NRF1: variants seen among roughly 807,000 people sequenced by gnomAD.
NRF1 encodes the protein alpha palindromic-binding protein.
NRF1 carries 5 observed loss-of-function variants against 58.5 expected under a neutral mutation model. The ratio of observed to expected loss-of-function variants is 0.09; its 90% CI spans 0.04 to 0.18. NRF1 has a LOEUF of 0.18. NRF1 is among the 10% of genes least tolerant of loss of function. NRF1 has a pLI of 1.00. For synonymous variants in NRF1, 224 were observed against 246.7 expected (o/e 0.91, Z 0.86); for missense variants, 288 against 657.7 (o/e 0.44, Z 6.15).
chr7:129,715,390 T>C (rs879330596), intron 8 of NRF1, among the ~76,000 whole-genome samples: 1 of 152,226 alleles, frequency 6.6e-6, no homozygotes, highest in Non-Finnish European at 1.5e-5. Context: ...TGGATTCTCA[T>C]GTATCCTGTC....
chr7:129,754,095 C>A (rs1562995087), intron 10 of NRF1, among the ~76,000 whole-genome samples: 1 of 152,154 alleles, frequency 6.6e-6, no homozygotes, highest in Non-Finnish European at 1.5e-5. Context: ...TCACGGCAAG[C>A]TGGGAAGGCC....
At chr7:129,671,042 A>G (rs1313400042) in intron 2 of NRF1, among the ~76,000 whole-genome samples, 1 of 152,182 alleles carries the variant, frequency 6.6e-6, no homozygotes, top group Non-Finnish European at 1.5e-5. Context: ...AAATACTGAA[A>G]TCTGTAAATT....
At position 129,647,299 on chromosome 7, in the gene NRF1, G is replaced by A. The variant is rs139268053; in HGVS notation, c.-6-10047G>A. Among the ~76,000 whole-genome samples, 47 of 152,160 alleles carry A rather than the reference G, an allele frequency of 3.1e-4. No homozygotes were observed. In the East Asian group the frequency reaches 8.3e-3, roughly 27 times the overall value. On this transcript the variant is annotated intron_variant, in intron 1 of 10. Coordinates refer to ENST00000393232, the MANE Select transcript of NRF1 (RefSeq NM_005011.5). ...CCCGCCTCTGGCCTCTCGGGATTAC[G>A]GGCATGAGCCACCATGCCTGGCGCT...
intron 1 of NRF1, among the ~76,000 whole-genome samples, chr7:129,656,067 G>A (rs1057367786): frequency 1.4e-4 from 21 of 151,942 alleles, no homozygotes; most frequent in Non-Finnish European, 2.9e-4. Context: ...TATGAACATG[G>A]GTGTACAGAT....
intron 2 of NRF1, among the ~76,000 whole-genome samples, chr7:129,663,435 G>A (rs527540766): frequency 8.0e-4 from 113 of 140,682 alleles, no homozygotes; most frequent in African/African-American, 2.7e-3. Flanking sequence ...GGGCAGAGGC[G>A]CTCCTCACAT....
chr7:129,726,687 C>T (rs1803459099), intron 9 of NRF1, among the ~76,000 whole-genome samples: 1 of 152,100 alleles, frequency 6.6e-6, no homozygotes, highest in African/African-American at 2.4e-5. Context: ...TCAGCCATTA[C>T]TCTGTATTTG....
At chr7:129,700,148 A>G (rs1802787719) in intron 5 of NRF1, among the ~76,000 whole-genome samples, 1 of 152,148 alleles carries the variant, frequency 6.6e-6, no homozygotes, top group Non-Finnish European at 1.5e-5. Flanking sequence ...CTCAAAAAAA[A>G]AAAAGTCCTA....
intron 5 of NRF1, among the ~76,000 whole-genome samples, chr7:129,703,300 G>T (rs1251097343): frequency 6.6e-6 from 1 of 152,088 alleles, no homozygotes; most frequent in Non-Finnish European, 1.5e-5. Flanking sequence ...TCAATTAAAG[G>T]ACGGTCTGAG....
intron 1 of NRF1, among the ~76,000 whole-genome samples, chr7:129,615,908 A>C (rs1272196805): frequency 6.6e-6 from 1 of 152,144 alleles, no homozygotes; most frequent in Non-Finnish European, 1.5e-5. Context: ...AACCATATTG[A>C]GCTATTGGAA....
intron 10 of NRF1, among the ~76,000 whole-genome samples, chr7:129,737,575 C>A (rs1363510218): frequency 7.7e-6 from 1 of 129,310 alleles, no homozygotes; most frequent in Non-Finnish European, 1.8e-5. Context: ...CTCCTTCCAC[C>A]TTTTTCTGTG....
chr7:129,752,266 A>G (rs888262899), intron 10 of NRF1, among the ~76,000 whole-genome samples: 11 of 151,890 alleles, frequency 7.2e-5, no homozygotes, highest in African/African-American at 2.7e-4. Flanking sequence ...AGCTCACCCC[A>G]GTGTAAAAGG....
chr7:129,675,153 G>C (rs1244090809), intron 3 of NRF1, among the ~76,000 whole-genome samples: 1 of 152,168 alleles, frequency 6.6e-6, no homozygotes, highest in Admixed American at 6.5e-5. Flanking sequence ...TCATCAATAA[G>C]AAGCACCTCT....
rs191234366 is a variant in NRF1, at chr7:129,660,487, G to A, written c.223+2913G>A. Among the ~76,000 whole-genome samples the A allele has an allele frequency of 1.1e-4, 17 of 150,974 alleles. No individual in the cohort carries two copies. In the East Asian group the frequency reaches 2.9e-3, roughly 26 times the overall value. On this transcript the variant is annotated intron_variant, in intron 2 of 10. Transcript: ENST00000393232. Reference sequence around the variant, plus strand: ...TAGTTACTTCCTAGATACAGTGGGGGTACAGGGATTGGGTAAATACAGGCA... The same window carrying A: ...TAGTTACTTCCTAGATACAGTGGGGATACAGGGATTGGGTAAATACAGGCA...
intron 1 of NRF1, among the ~76,000 whole-genome samples, chr7:129,632,373 C>G (rs1016267147): frequency 2.0e-5 from 3 of 152,128 alleles, no homozygotes; most frequent in African/African-American, 7.2e-5. Context: ...TTAAGTCCTA[C>G]TGTTTTTAGT....
intron 10 of NRF1, chr7:129,735,106 T>C: frequency 1.0e-6 from 1 of 985,454 alleles, no homozygotes; most frequent in Non-Finnish European, 1.2e-6. Context: ...CCAGAGATTT[T>C]GAAGAGCACA....
Position 129,619,408 on chromosome 7 carries a change from ATATATATATATATATATATATATAT to A in NRF1, c.-7+7585_-7+7609del, listed in dbSNP as rs1306121148. 5.4e-5 allele frequency among the ~76,000 whole-genome samples: 5 copies of A among 92,344 alleles called. No homozygotes were observed. In the Admixed American group the frequency reaches 5.5e-4, roughly 10 times the overall value. 60.6% of individuals were successfully genotyped at this position (92,344 alleles called of 152,430 possible). A position where few individuals can be genotyped will look rare whatever the true frequency, so the allele number is the denominator to read the frequency against. On this transcript the variant is annotated intron_variant, in intron 1 of 10. Transcript: ENST00000393232. ...ACTTGGCATACGTGTATATATATAT[ATATATATATATATATATATATATAT>A]ACACACACACACACATATATATACA... is the stretch of plus-strand genomic sequence containing the variant.
intron 1 of NRF1, among the ~76,000 whole-genome samples, chr7:129,642,187 T>C (rs1464717559): frequency 6.6e-6 from 1 of 151,728 alleles, no homozygotes; most frequent in East Asian, 1.9e-4. Flanking sequence ...TTTCACCCAG[T>C]TGGCCAGGCT....
chr7:129,660,031 A>G (rs1801745490), intron 2 of NRF1, among the ~76,000 whole-genome samples: 1 of 152,210 alleles, frequency 6.6e-6, no homozygotes, highest in Non-Finnish European at 1.5e-5. Context: ...TCATGGTGGA[A>G]GGCAAGGAAG....
At chr7:129,742,275 TAAA>T (rs71167214) in intron 10 of NRF1, among the ~76,000 whole-genome samples, 33 of 126,804 alleles carry the variant, frequency 2.6e-4, no homozygotes, top group African/African-American at 8.9e-4. Flanking sequence ...TGAAATTGAT[TAAA>T]AAAAAAAAAA....
Sources: allele counts gnomAD v4.1 joint callset (sites outside exome capture counted in the v4.1 genomes callset), GRCh38; gene constraint gnomAD v4.1.1; transcripts MANE v1.5; gene names NCBI Gene and HGNC (gene_info 2026-07-23, HGNC 2026-07-21).